Variants in IRAG2 observed in about 807,000 individuals in gnomAD.
IRAG2 encodes the protein lymphoid restricted membrane protein.
In IRAG2, 45 loss-of-function variants were observed where a neutral mutation model predicts 69.9. The observed-to-expected ratio is 0.64, with a 90% CI of 0.51 to 0.83. The LOEUF (loss-of-function observed/expected upper bound fraction) is 0.83. IRAG2 is among the 40% of genes least tolerant of loss of function. IRAG2 has a pLI of 0.00. For missense variants in IRAG2, 520 were observed against 587.0 expected (o/e 0.89, Z 1.18); for synonymous variants, 193 against 202.4 (o/e 0.95, Z 0.40).
intron 6 of IRAG2, among the ~76,000 whole-genome samples, chr12:25,074,155 G>A (rs1442981657): frequency 6.6e-6 from 1 of 152,102 alleles, no homozygotes; most frequent in Non-Finnish European, 1.5e-5. Flanking sequence ...GTTCTTTTGA[G>A]GATTCAAATA....
chr12:25,099,591 G>C (rs1030902100), intron 15 of IRAG2, among the ~76,000 whole-genome samples: 7 of 152,094 alleles, frequency 4.6e-5, no homozygotes, highest in African/African-American at 1.7e-4. Flanking sequence ...AACATAGTCT[G>C]TTCTTAATAA....
At chr12:25,084,540 G>GGTGT (rs34550767) in intron 10 of IRAG2, among the ~76,000 whole-genome samples, 10,172 of 147,278 alleles carry the variant, frequency 0.069, 370 homozygotes, top group Non-Finnish European at 0.094. Context: ...TGCATGGAGG[G>GGTGT]GTGTGTGTGT....
At chr12:25,090,825 G>C (rs1056099355) in intron 14 of IRAG2, 63 of 453,322 alleles carry the variant, frequency 1.4e-4, no homozygotes, top group African/African-American at 1.1e-3. Flanking sequence ...GGCAGAAAAG[G>C]AATCATACAG....
rs80190577 is a variant in IRAG2, at chr12:25,027,871, G to A, written c.1461+1005G>A. Reference sequence around the variant, plus strand: ...GTACATATGTCTTGATTTCTCTTGGGTATATACCTAGGAGTGAAATTACTG... The same window carrying A: ...GTACATATGTCTTGATTTCTCTTGGATATATACCTAGGAGTGAAATTACTG... On this transcript the variant is annotated intron_variant, in intron 9 of 38. Coordinates refer to the IRAG2 transcript ENST00000636465. Among the ~76,000 whole-genome samples the A allele has an allele frequency of 8.2e-4, 124 of 152,146 alleles. 3 individuals carry two copies. The East Asian group carries it at 0.015, about 19-fold the overall frequency.
At chr12:25,040,845 T>G (rs1305101749) in intron 16 of IRAG2, among the ~76,000 whole-genome samples, 1 of 152,180 alleles carries the variant, frequency 6.6e-6, no homozygotes, top group Non-Finnish European at 1.5e-5. Context: ...CCCCAGATGA[T>G]AAGCAATTAT....
intron 15 of IRAG2, among the ~76,000 whole-genome samples, chr12:25,098,147 T>C (rs1476232991): frequency 6.6e-6 from 1 of 152,172 alleles, no homozygotes; most frequent in Non-Finnish European, 1.5e-5. Flanking sequence ...TCTTACTCAT[T>C]TGGCGAATCT....
chr12:25,051,163 AGAGT>A (rs1007912348), upstream of IRAG2, among the ~76,000 whole-genome samples: 1 of 152,008 alleles, frequency 6.6e-6, no homozygotes. Flanking sequence ...AGAGAAAAAG[AGAGT>A]GAGAGAGACA....
At chr12:25,092,670 T>C (rs7303669) in intron 14 of IRAG2, 51,826 of 152,438 alleles carry the variant, frequency 0.34, 9,494 homozygotes, top group African/African-American at 0.46. Context: ...TCATTCCTGG[T>C]GGAGGAGCTT....
At position 25,101,175 on chromosome 12, in the gene IRAG2, TA is replaced by T. The variant is rs779204102; in HGVS notation, c.742-2del. 1.3e-6 allele frequency: 2 copies of T among 1,592,554 alleles called. No individual in the cohort carries two copies. Among genetic ancestry groups the T allele is most frequent in the South Asian group, 2.3e-5 (2 of 87,358 alleles). Reference sequence around the variant, plus strand: ...TAAATGTGCTCGTTTTTTCTCTTGCTAGGAAAGCCGGGTTAGTAAAGCAGTT... The same window carrying T: ...TAAATGTGCTCGTTTTTTCTCTTGCTGGAAAGCCGGGTTAGTAAAGCAGTT... On this transcript the variant is annotated splice_acceptor_variant, in intron 15 of 21. Coordinates refer to ENST00000556887, the MANE Select transcript of IRAG2 (RefSeq NM_001366544.2). LOFTEE classifies it high-confidence loss of function.
intron 13 of IRAG2, 21 bp from the exon 14 acceptor site, chr12:25,090,036 C>T (rs2140168119): frequency 6.2e-7 from 1 of 1,611,614 alleles, no homozygotes; most frequent in Middle Eastern, 1.7e-4. Context: ...CTTCCTCACC[C>T]TCACATTATT....
rs776233897 is a variant in IRAG2, at chr12:25,036,813, A to G, written c.1980+127A>G. The G allele has an allele frequency of 8.6e-5, 34 of 394,660 alleles. No homozygotes were observed. In the Middle Eastern group the frequency reaches 1.9e-3, roughly 22 times the overall value. 24.4% of individuals were successfully genotyped at this position (394,660 alleles called of 1,614,324 possible). A position where few individuals can be genotyped will look rare whatever the true frequency, so the allele number is the denominator to read the frequency against. ...CTGCTATCTTAGTCTGATCATGAGT[A>G]TAGACTGTGTGTCCAGGGGTGTATA... is the stretch of plus-strand genomic sequence containing the variant. On this transcript the variant is annotated intron_variant, in intron 15 of 38. Coordinates refer to the IRAG2 transcript ENST00000636465.
intron 20 of IRAG2, among the ~76,000 whole-genome samples, chr12:25,104,845 C>T (rs1408663061): frequency 6.6e-6 from 1 of 151,174 alleles, no homozygotes; most frequent in Non-Finnish European, 1.5e-5. Context: ...TATTATATAA[C>T]ATATAGGCAC....
At chr12:25,083,258 T>A (rs114521733) in intron 9 of IRAG2, among the ~76,000 whole-genome samples, 165 bp from the exon 10 acceptor site, 2,670 of 152,312 alleles carry the variant, frequency 0.018, 82 homozygotes, top group African/African-American at 0.061. Flanking sequence ...CCATCCTAAT[T>A]CTGAGTCAAT....
At chr12:25,000,726 G>A (rs1274759632), upstream of IRAG2, among the ~76,000 whole-genome samples, 1 of 152,218 alleles carries the variant, frequency 6.6e-6, no homozygotes, top group African/African-American at 2.4e-5. Flanking sequence ...ATCTACAAGT[G>A]TACCATCTTT....
chr12:25,057,931 G>GT (rs1274107973), intron 1 of IRAG2, among the ~76,000 whole-genome samples: 1 of 152,110 alleles, frequency 6.6e-6, no homozygotes, highest in African/African-American at 2.4e-5. Flanking sequence ...CTTAGTAGTA[G>GT]TTTTTTATTA....
chr12:25,017,391 A>G, intron 6 of IRAG2: 1 of 1,054,550 alleles, frequency 9.5e-7, no homozygotes, highest in Non-Finnish European at 1.2e-6. Context: ...CATAAAATTC[A>G]TTCTCTTAAA....
chr12:25,008,797 C>G (rs1054894274), intron 2 of IRAG2, among the ~76,000 whole-genome samples: 8 of 152,048 alleles, frequency 5.3e-5, no homozygotes, highest in Admixed American at 2.0e-4. Flanking sequence ...AAGGTGTTTT[C>G]TTGGTCATCC....
At chr12:25,017,830 C>A (rs929375373) in intron 6 of IRAG2, among the ~76,000 whole-genome samples, 1 of 152,160 alleles carries the variant, frequency 6.6e-6, no homozygotes, top group Non-Finnish European at 1.5e-5. Context: ...TCCATACTTA[C>A]CAGCAGGCAT....
chr12:25,107,777 A>G (rs913206313), intron 21 of IRAG2, 40 bp from the exon 22 acceptor site: 1 of 1,592,556 alleles, frequency 6.3e-7, no homozygotes, highest in African/African-American at 1.3e-5. Flanking sequence ...TCTAATGACA[A>G]ATTACCGATT....
Sources: allele counts gnomAD v4.1 joint callset (sites outside exome capture counted in the v4.1 genomes callset), GRCh38; gene constraint gnomAD v4.1.1; transcripts MANE v1.5; gene names NCBI Gene and HGNC (gene_info 2026-07-23, HGNC 2026-07-21).